Variants in PEMT observed in about 807,000 individuals in gnomAD.
PEMT encodes phosphatidylethanolamine N-methyltransferase, also known as phospholipid methyltransferase.
A neutral mutation model predicts 27.4 loss-of-function variants in PEMT; 23 were observed. The observed-to-expected ratio is 0.84, with a 90% CI of 0.60 to 1.19. PEMT has a LOEUF of 1.19. Ranked by LOEUF, PEMT falls within the 50% of genes most tolerant of loss-of-function variation. PEMT has a pLI of 0.00. For synonymous variants in PEMT, 137 were observed against 139.1 expected, an observed-to-expected ratio of 0.98 and a Z score of 0.11; for missense variants, 307 against 310.1, an observed-to-expected ratio of 0.99 and a Z score of 0.07.
chr17:17,507,159 C>A, intron 5 of PEMT: 1 of 1,559,704 alleles, frequency 6.4e-7, no homozygotes. Context: ...CAATCTATTT[C>A]TATAGTTACC....
At chr17:17,587,895 AT>A (rs1912400700) in intron 1 of PEMT, among the ~76,000 whole-genome samples, 1 of 152,146 alleles carries the variant, frequency 6.6e-6, no homozygotes, top group Non-Finnish European at 1.5e-5. Flanking sequence ...AAATAAATAA[AT>A]TAATTAAATC....
At position 17,582,528 on chromosome 17, in the gene PEMT, A is replaced by C; in HGVS notation, c.97-5501T>G. On this transcript the variant is annotated intron_variant, in intron 1 of 6. Transcript: ENST00000255389. The surrounding 1 kb of genome is among the most constrained non-coding windows in gnomAD (Gnocchi z 4.9). ...TCACATCGATTCCAGGCCACACACC[A>C]CACACAACAAAGGGCAGGGGAATGG... 2 of 550,066 alleles carry C rather than the reference A, an allele frequency of 3.6e-6. No individual in the cohort carries two copies. The highest frequency in any genetic ancestry group is 4.6e-6 in the Non-Finnish European group (2 of 432,318). The allele number at this position is 550,066 out of a possible 1,614,324, so 34.1% of individuals were successfully genotyped here.
At chr17:17,555,880 G>A (rs1024674071) in intron 2 of PEMT, among the ~76,000 whole-genome samples, 10 of 152,246 alleles carry the variant, frequency 6.6e-5, no homozygotes, top group South Asian at 2.1e-4. Flanking sequence ...AGGGGGATGC[G>A]TGGGTCCCTG....
intron 2 of PEMT, among the ~76,000 whole-genome samples, chr17:17,544,104 C>T (rs1909079920): frequency 6.6e-6 from 1 of 152,094 alleles, no homozygotes; most frequent in Non-Finnish European, 1.5e-5. Context: ...GAAAGTTGAG[C>T]ACCTAGTGCA....
intron 2 of PEMT, among the ~76,000 whole-genome samples, chr17:17,545,427 T>C (rs535594621): frequency 3.3e-5 from 5 of 152,198 alleles, no homozygotes; most frequent in Non-Finnish European, 7.4e-5. Flanking sequence ...TTACAGGTGC[T>C]GTCAGGCCAT....
chr17:17,512,583 AG>A lies in PEMT; in HGVS notation c.391del (p.Leu131SerfsTer25), dbSNP rs1200938360. 6.2e-7 allele frequency: 1 copy of A among 1,607,962 alleles called. No homozygotes were observed. Among genetic ancestry groups the A allele is most frequent in the Admixed American group, 1.7e-5 (1 of 59,542 alleles). On this transcript the variant is annotated frameshift_variant, in exon 4 of 7. Transcript: ENST00000255389. LOFTEE classifies it high-confidence loss of function. The surrounding 1 kb of genome is among the most constrained non-coding windows in gnomAD (Gnocchi z 6.3). ...CACGACGCCCAGTCCCAGGAGCGCG[AG>A]GCCCAGGCTGTAGGCCGCGGGGGTG... ...LDTPAAYSLGLALLGLGVVLV... is the reference protein window; with the variant it reads ...LDTPAAYSLGXALLGLGVVLV...
chr17:17,590,484 A>G (rs1912535427), intron 1 of PEMT, among the ~76,000 whole-genome samples: 1 of 152,020 alleles, frequency 6.6e-6, no homozygotes, highest in African/African-American at 2.4e-5. Flanking sequence ...ACTCTTCAAA[A>G]CACTAACTGG....
At chr17:17,579,633 C>T (rs1911860042) in intron 1 of PEMT, among the ~76,000 whole-genome samples, 1 of 152,070 alleles carries the variant, frequency 6.6e-6, no homozygotes, top group Non-Finnish European at 1.5e-5. Context: ...AGCCAAGATG[C>T]GCCACTGCAC....
intron 2 of PEMT, among the ~76,000 whole-genome samples, chr17:17,546,546 G>A (rs28673199): frequency 1.7e-3 from 256 of 152,360 alleles, no homozygotes; most frequent in African/African-American, 6.0e-3. Context: ...ATAAGGCCCC[G>A]GGAAGAAAAT....
intron 2 of PEMT, among the ~76,000 whole-genome samples, chr17:17,562,557 C>T (rs1910565505): frequency 6.6e-6 from 1 of 152,178 alleles, no homozygotes; most frequent in South Asian, 2.1e-4. Context: ...ACCTGTAATC[C>T]CAGCACTTTG....
intron 2 of PEMT, among the ~76,000 whole-genome samples, chr17:17,557,329 G>C (rs1200943107): frequency 6.6e-6 from 1 of 152,226 alleles, no homozygotes; most frequent in Non-Finnish European, 1.5e-5. Context: ...ACTGGCCCTT[G>C]TTTCTTTGTC....
chr17:17,509,216 T>G (rs890803632), intron 5 of PEMT, among the ~76,000 whole-genome samples: 2 of 152,244 alleles, frequency 1.3e-5, no homozygotes, highest in African/African-American at 4.8e-5. Flanking sequence ...ACTCCAGCCC[T>G]CTTTGGAGAA....
intron 2 of PEMT, among the ~76,000 whole-genome samples, chr17:17,532,908 T>G (rs1404336455): frequency 6.6e-6 from 1 of 152,186 alleles, no homozygotes; most frequent in African/African-American, 2.4e-5. Context: ...GCATACGTAA[T>G]CCCAGCTACT....
intron 2 of PEMT, among the ~76,000 whole-genome samples, chr17:17,575,336 C>A (rs1429504339): frequency 1.3e-5 from 2 of 152,256 alleles, no homozygotes; most frequent in Non-Finnish European, 2.9e-5. Context: ...ATCTCCCCAG[C>A]TCAAGCTCCT....
intron 4 of PEMT, among the ~76,000 whole-genome samples, chr17:17,511,309 A>G (rs943190943): frequency 6.6e-6 from 1 of 152,082 alleles, no homozygotes; most frequent in Non-Finnish European, 1.5e-5. Context: ...AACTCCCTAC[A>G]GCGTCTGCCT....
chr17:17,578,392 G>A (rs1911761780), intron 1 of PEMT, among the ~76,000 whole-genome samples: 1 of 151,924 alleles, frequency 6.6e-6, no homozygotes, highest in African/African-American at 2.4e-5. Context: ...CCAGTTACTT[G>A]GGAGGCCAAG....
At chr17:17,562,867 G>A (rs1311934742) in intron 2 of PEMT, among the ~76,000 whole-genome samples, 1 of 152,110 alleles carries the variant, frequency 6.6e-6, no homozygotes, top group Non-Finnish European at 1.5e-5. Flanking sequence ...CCCAGAGGAG[G>A]CCATTTCCCC....
intron 2 of PEMT, among the ~76,000 whole-genome samples, chr17:17,529,348 G>A (rs1319452059): frequency 6.6e-6 from 1 of 152,210 alleles, no homozygotes; most frequent in East Asian, 1.9e-4. Flanking sequence ...CCAGGACATA[G>A]GACCAGTGGC....
chr17:17,522,910 C>T (rs1907388614), intron 2 of PEMT, among the ~76,000 whole-genome samples: 1 of 152,236 alleles, frequency 6.6e-6, no homozygotes. Flanking sequence ...GCAAAGAAAA[C>T]CCCTCACCCT....
Sources: gnomAD v4.1 joint callset for allele counts (sites outside exome capture counted in the v4.1 genomes callset) on GRCh38, gnomAD v4.1.1 for gene constraint, Gnocchi (gnomAD v3.1) non-coding constraint, MANE v1.5 for transcripts, NCBI Gene and HGNC (gene_info 2026-07-23, HGNC 2026-07-21) for gene names.